SLC24A3: variants seen among roughly 807,000 people sequenced by gnomAD.
SLC24A3 encodes solute carrier family 24 member 3.
Under a neutral mutation model 75.8 loss-of-function variants are expected in SLC24A3, and 28 were observed. That is an observed-to-expected ratio of 0.37 (90% CI 0.27 to 0.51). The LOEUF (loss-of-function observed/expected upper bound fraction) is 0.51. Ranked by LOEUF, SLC24A3 falls within the 20% of genes least tolerant of loss-of-function variation. The pLI, the probability that SLC24A3 is intolerant of heterozygous loss-of-function variation, is 0.94. For synonymous variants in SLC24A3, 372 were observed against 334.1 expected, an observed-to-expected ratio of 1.11 and a Z score of -1.24; for missense variants, 663 against 847.8, an observed-to-expected ratio of 0.78 and a Z score of 2.71.
At chr20:19,521,848 A>G (rs1353874684) in intron 3 of SLC24A3, among the ~76,000 whole-genome samples, 3 of 152,152 alleles carry the variant, frequency 2.0e-5, no homozygotes, top group Non-Finnish European at 4.4e-5. Context: ...GAGGTGCAGA[A>G]GGCCCCTTCC....
intron 2 of SLC24A3, among the ~76,000 whole-genome samples, chr20:19,467,656 G>A (rs1987789742): frequency 1.3e-5 from 2 of 151,848 alleles, no homozygotes; most frequent in Admixed American, 1.3e-4. Flanking sequence ...CGAGGAGTGT[G>A]GATCACCTGA....
chr20:19,672,806 G>A lies in SLC24A3; in HGVS notation c.714-795G>A, dbSNP rs182140528. ...CACATTTGACCAAATATTTCTCTAG[G>A]ATCAGCTTCTAGACATGGAATTTGA... On this transcript the variant is annotated intron_variant, in intron 8 of 16. Transcript: ENST00000328041. 2.9e-4 allele frequency among the ~76,000 whole-genome samples: 44 copies of A among 152,246 alleles called. No individual in the cohort carries two copies. The East Asian group carries it at 7.9e-3, about 27-fold the overall frequency.
chr20:19,588,806 A>C (rs1028411131), intron 6 of SLC24A3, among the ~76,000 whole-genome samples: 3 of 152,242 alleles, frequency 2.0e-5, no homozygotes, highest in African/African-American at 7.2e-5. Context: ...TGCCGTTCAG[A>C]GCATGTTAAG....
chr20:19,407,696 C>T (rs1261248279), intron 2 of SLC24A3, among the ~76,000 whole-genome samples: 3 of 152,144 alleles, frequency 2.0e-5, no homozygotes, highest in African/African-American at 7.2e-5. Context: ...AAACTATGCC[C>T]TTCTTTTCCA....
At chr20:19,410,111 G>T (rs529088477) in intron 2 of SLC24A3, among the ~76,000 whole-genome samples, 45 of 152,170 alleles carry the variant, frequency 3.0e-4, no homozygotes, top group African/African-American at 1.1e-3. Context: ...ACTGCAGAAA[G>T]AATAGAGGCA....
chr20:19,701,852 C>T (rs1568703626), intron 15 of SLC24A3, among the ~76,000 whole-genome samples: 1 of 152,098 alleles, frequency 6.6e-6, no homozygotes, highest in Non-Finnish European at 1.5e-5. Context: ...GGGCTCTAAA[C>T]AACCTGAAGA....
intron 3 of SLC24A3, among the ~76,000 whole-genome samples, chr20:19,534,302 A>G (rs1465112942): frequency 2.6e-5 from 4 of 152,238 alleles, no homozygotes; most frequent in African/African-American, 9.6e-5. Flanking sequence ...TCACAGGTAC[A>G]ACTGCAAAAA....
chr20:19,452,425 T>TGTGTGTGTGTGTGTGTGTGTGTGTG (rs56271347), intron 2 of SLC24A3, among the ~76,000 whole-genome samples: 1 of 115,488 alleles, frequency 8.7e-6, no homozygotes, highest in African/African-American at 3.7e-5. Flanking sequence ...TGTGTGTGTG[T>TGTGTGTGTGTGTGTGTGTGTGTGTG]TGGGGAAGTA....
intron 1 of SLC24A3, among the ~76,000 whole-genome samples, chr20:19,256,989 T>G (rs1257495792): frequency 2.6e-5 from 4 of 152,154 alleles, no homozygotes; most frequent in African/African-American, 9.7e-5. Context: ...AGATTTCTGT[T>G]GGACTGCTGC....
At chr20:19,511,429 G>A (rs1471493515) in intron 2 of SLC24A3, among the ~76,000 whole-genome samples, 3 of 151,242 alleles carry the variant, frequency 2.0e-5, no homozygotes, top group African/African-American at 4.9e-5. Flanking sequence ...TCAGGTTCAC[G>A]CCATTCTCCT....
At chr20:19,599,988 T>C (rs374612574) in intron 6 of SLC24A3, among the ~76,000 whole-genome samples, 2 of 152,162 alleles carry the variant, frequency 1.3e-5, no homozygotes, top group Non-Finnish European at 2.9e-5. Context: ...TTTGGAAACA[T>C]GTTGGCGTCG....
intron 2 of SLC24A3, among the ~76,000 whole-genome samples, chr20:19,336,626 C>T (rs1469092184): frequency 1.3e-5 from 2 of 151,482 alleles, no homozygotes; most frequent in Non-Finnish European, 2.9e-5. Context: ...CCTCAATCTG[C>T]CCCCACTTGG....
chr20:19,601,316 T>C (rs1264870035), intron 6 of SLC24A3, among the ~76,000 whole-genome samples: 1 of 152,212 alleles, frequency 6.6e-6, no homozygotes, highest in African/African-American at 2.4e-5. Context: ...TTTCAGCCTC[T>C]GCAGCTGCCC....
chr20:19,645,132 A>G (rs2032121223), intron 6 of SLC24A3, among the ~76,000 whole-genome samples: 1 of 152,216 alleles, frequency 6.6e-6, no homozygotes. Context: ...TCTTGTTAAT[A>G]AGGAAACACA....
intron 3 of SLC24A3, 89 bp from the exon 4 acceptor site, chr20:19,579,910 AG>A (rs1255397475): frequency 7.2e-6 from 6 of 833,018 alleles, no homozygotes; most frequent in Non-Finnish European, 9.5e-6. Context: ...TGATGACAGA[AG>A]ACATTATCAA....
At chr20:19,615,644 A>G (rs1239109686) in intron 6 of SLC24A3, among the ~76,000 whole-genome samples, 1 of 152,208 alleles carries the variant, frequency 6.6e-6, no homozygotes, top group East Asian at 1.9e-4. Context: ...ATCCACTCCC[A>G]TGTTCCAATC....
At chr20:19,593,610 G>A (rs1358398546) in intron 6 of SLC24A3, among the ~76,000 whole-genome samples, 2 of 152,210 alleles carry the variant, frequency 1.3e-5, no homozygotes, top group African/African-American at 4.8e-5. Flanking sequence ...GTCAGTCACA[G>A]AACCAATGAG....
Position 19,580,003 on chromosome 20 carries a change from A to G in SLC24A3, c.352A>G (p.Ile118Val), listed in dbSNP as rs1170045370. Residue 118 changes from isoleucine (I) to valine (V), a missense_variant, in exon 4 of 17, where the codon ATA (isoleucine) becomes GTA (valine). Physicochemically the swap from Ile to Val is conservative, Grantham distance 29. Coordinates refer to ENST00000328041, the MANE Select transcript of SLC24A3 (RefSeq NM_020689.4). ...GAVVLHVLCA[I>V]YMFYALAIVC... Reference sequence around the variant, plus strand: ...CCTTTTATCTCCTCTCTTCCAGGCCATATACATGTTCTATGCGCTGGCCAT... The same window carrying G: ...CCTTTTATCTCCTCTCTTCCAGGCCGTATACATGTTCTATGCGCTGGCCAT... The G allele has an allele frequency of 1.2e-6, 2 of 1,612,502 alleles. No individual in the cohort carries two copies. Among genetic ancestry groups the G allele is most frequent in the Non-Finnish European group, 1.7e-6 (2 of 1,178,706 alleles).
chr20:19,603,237 G>C (rs1357028321), intron 6 of SLC24A3, among the ~76,000 whole-genome samples: 2 of 152,140 alleles, frequency 1.3e-5, no homozygotes, highest in Non-Finnish European at 2.9e-5. Context: ...TTTTGTGGGG[G>C]TTTTGGTCTG....
Sources: gnomAD v4.1 joint callset for allele counts (sites outside exome capture counted in the v4.1 genomes callset) on GRCh38, gnomAD v4.1.1 for gene constraint, MANE v1.5 for transcripts, NCBI Gene and HGNC (gene_info 2026-07-23, HGNC 2026-07-21) for gene names.